SPATA17: variants seen among roughly 807,000 people sequenced by gnomAD.
SPATA17 encodes the protein spermatogenesis associated 17.
In SPATA17, 53 loss-of-function variants were observed where a neutral mutation model predicts 62.2. The observed-to-expected ratio is 0.85, with a 90% CI of 0.68 to 1.07. The LOEUF (loss-of-function observed/expected upper bound fraction) is 1.07. Ranked by LOEUF, SPATA17 falls within the 50% of genes least tolerant of loss-of-function variation. SPATA17 has a pLI of 0.00. For synonymous variants in SPATA17, 146 were observed against 146.8 expected, an observed-to-expected ratio of 0.99 and a Z score of 0.04; for missense variants, 466 against 425.5, an observed-to-expected ratio of 1.10 and a Z score of -0.84.
intron 9 of SPATA17, among the ~76,000 whole-genome samples, chr1:217,822,674 C>G (rs1051867632): frequency 6.1e-5 from 9 of 147,852 alleles, no homozygotes; most frequent in Non-Finnish European, 1.2e-4. Flanking sequence ...TTATATTTTT[C>G]ATTTCTTTGT....
intron 9 of SPATA17, among the ~76,000 whole-genome samples, chr1:217,803,874 C>T (rs965807673): frequency 5.3e-5 from 8 of 151,976 alleles, no homozygotes; most frequent in African/African-American, 7.2e-5. Flanking sequence ...AAAAGGTAGC[C>T]GGGTGTGGTG....
chr1:217,786,956 C>T (rs4532916), intron 8 of SPATA17, among the ~76,000 whole-genome samples: 42,100 of 151,580 alleles, frequency 0.28, 6,284 homozygotes, highest in East Asian at 0.52. Context: ...GTTTGTATCT[C>T]CACCAGATGT....
intron 3 of SPATA17, among the ~76,000 whole-genome samples, chr1:217,665,871 C>A (rs1028617874): frequency 2.0e-5 from 3 of 152,050 alleles, no homozygotes; most frequent in African/African-American, 7.3e-5. Context: ...AAAAATTGAG[C>A]TAGGTAATAT....
At position 217,742,101 on chromosome 1, in the gene SPATA17, T is replaced by C. The variant is rs1441567029; in HGVS notation, c.519+3T>C. On this transcript the variant is annotated splice_donor_region_variant and intron_variant, in intron 6 of 10. Transcript: ENST00000366933. ...ATTACCTCCTCAGCACAAAGCAGGT[T>C]GGTTTACCTGTCCCTGACAGCTCCT... The C allele has an allele frequency of 6.2e-7, 1 of 1,613,930 alleles. No individual in the cohort carries two copies. Among genetic ancestry groups the C allele is most frequent in the East Asian group, 2.2e-5 (1 of 44,886 alleles).
In SPATA17 at chr1:217,768,893, G is replaced by A. The variant is rs370798319; in HGVS notation, c.520-5441G>A. On this transcript the variant is annotated intron_variant, in intron 6 of 10. Transcript: ENST00000366933. The stretch of plus-strand genomic sequence containing the variant: ...ACCTCTTCAAAAGTTATTAGAGGGC[G>A]CTTACTACTGGCTAGTTATGTAATA... 5.3e-5 allele frequency among the ~76,000 whole-genome samples: 8 copies of A among 152,122 alleles called. No individual in the cohort carries two copies. The East Asian group carries it at 9.7e-4, about 18-fold the overall frequency.
At chr1:217,678,205 C>CTTTTTTTTT (rs974715757) in intron 4 of SPATA17, among the ~76,000 whole-genome samples, 34 of 107,540 alleles carry the variant, frequency 3.2e-4, no homozygotes, top group East Asian at 1.1e-3. Context: ...CTTTTCTTTT[C>CTTTTTTTTT]TTTTTTTTTT....
chr1:217,801,337 G>C (rs1197997450), intron 8 of SPATA17, among the ~76,000 whole-genome samples: 1 of 152,122 alleles, frequency 6.6e-6, no homozygotes, highest in Non-Finnish European at 1.5e-5. Flanking sequence ...AGTAAGAATT[G>C]ACTGTACTGG....
At chr1:217,787,720 C>T (rs1442657596) in intron 8 of SPATA17, among the ~76,000 whole-genome samples, 3 of 151,324 alleles carry the variant, frequency 2.0e-5, no homozygotes, top group Admixed American at 2.0e-4. Flanking sequence ...GTTACATGTG[C>T]AATTATTAAA....
At chr1:217,638,752 T>C (rs919463153) in intron 1 of SPATA17, among the ~76,000 whole-genome samples, 4 of 152,120 alleles carry the variant, frequency 2.6e-5, no homozygotes, top group East Asian at 1.9e-4. Flanking sequence ...AAAAATGTAA[T>C]GTGAACTTTT....
chr1:217,859,333 A>G (rs1300397252), intron 9 of SPATA17, among the ~76,000 whole-genome samples: 3 of 149,426 alleles, frequency 2.0e-5, no homozygotes, highest in South Asian at 2.1e-4. Context: ...TTCTCTATAT[A>G]TGTAATTTTC....
rs542770004 is a variant in SPATA17, at chr1:217,845,885, TC to T, written c.1006-16883del. On this transcript the variant is annotated intron_variant, in intron 9 of 10. Transcript: ENST00000366933. ...ACATTAGTAGTAGTTGTTTACAATT[TC>T]CCCCCACTCTCCTCTGCCAGTTCTT... Among the ~76,000 whole-genome samples the T allele has an allele frequency of 2.1e-3, 314 of 152,160 alleles. 4 individuals carry two copies. Among genetic ancestry groups the T allele is most frequent in the South Asian group, 0.018 (85 of 4,822 alleles).
intron 9 of SPATA17, among the ~76,000 whole-genome samples, chr1:217,811,549 T>C (rs1192506337): frequency 2.0e-5 from 3 of 152,026 alleles, no homozygotes; most frequent in Non-Finnish European, 4.4e-5. Context: ...AAAAATTAGC[T>C]GGGCATGGTG....
At chr1:217,762,823 T>G (rs1673204269) in intron 6 of SPATA17, among the ~76,000 whole-genome samples, 1 of 152,034 alleles carries the variant, frequency 6.6e-6, no homozygotes, top group Non-Finnish European at 1.5e-5. Flanking sequence ...AACACAAAAA[T>G]TAGCTGGGCG....
In SPATA17 at chr1:217,720,856, C is replaced by T. The variant is rs1571757074; in HGVS notation, c.396-21119C>T. Among the ~76,000 whole-genome samples the T allele has an allele frequency of 2.0e-5, 3 of 152,270 alleles. No homozygotes were observed. The East Asian group carries it at 5.8e-4, about 29-fold the overall frequency. Reference sequence around the variant, plus strand: ...CCACACATTAATGATGAGATTCACACTCCAGCGGAGAGGATGTGGCTGCAG... The same window carrying T: ...CCACACATTAATGATGAGATTCACATTCCAGCGGAGAGGATGTGGCTGCAG... On this transcript the variant is annotated intron_variant, in intron 5 of 10. Transcript: ENST00000366933.
intron 5 of SPATA17, among the ~76,000 whole-genome samples, chr1:217,707,409 C>T (rs1207006529): frequency 1.3e-5 from 2 of 152,114 alleles, no homozygotes; most frequent in Non-Finnish European, 2.9e-5. Flanking sequence ...TATTTGGATG[C>T]CTTTCATTTC....
chr1:217,816,749 T>G (rs1674725990), intron 9 of SPATA17, among the ~76,000 whole-genome samples: 1 of 152,114 alleles, frequency 6.6e-6, no homozygotes, highest in Non-Finnish European at 1.5e-5. Context: ...AATTTCTTAG[T>G]ATCTAAAAAG....
intron 10 of SPATA17, among the ~76,000 whole-genome samples, chr1:217,863,587 G>A (rs929313457): frequency 1.4e-4 from 21 of 152,034 alleles, no homozygotes; most frequent in African/African-American, 5.1e-4. Context: ...AGTATGAAGT[G>A]TCTTACAATA....
Position 217,690,052 on chromosome 1 carries a change from G to C in SPATA17, c.395+6691G>C, listed in dbSNP as rs565730065. ...CGAGTAGCTGGGCTGACAGGTGTGC[G>C]CCACCACACCCAGCTAATTTTTATA... On this transcript the variant is annotated intron_variant, in intron 5 of 10. Coordinates refer to ENST00000366933, the MANE Select transcript of SPATA17 (RefSeq NM_138796.4). 2.6e-5 allele frequency among the ~76,000 whole-genome samples: 4 copies of C among 152,046 alleles called. No homozygotes were observed. The South Asian group carries it at 8.3e-4, about 32-fold the overall frequency.
chr1:217,859,968 A>G (rs753604583), intron 9 of SPATA17, among the ~76,000 whole-genome samples: 9 of 151,986 alleles, frequency 5.9e-5, no homozygotes, highest in Non-Finnish European at 1.3e-4. Context: ...TCTTTTTAAT[A>G]TAGTTTTCTA....
Sources: gnomAD v4.1 joint callset for allele counts (sites outside exome capture counted in the v4.1 genomes callset) on GRCh38, gnomAD v4.1.1 for gene constraint, MANE v1.5 for transcripts, NCBI Gene and HGNC (gene_info 2026-07-23, HGNC 2026-07-21) for gene names.